Variants in WAPL observed in about 807,000 individuals in gnomAD.
WAPL encodes the protein WAPL cohesin release factor.
A neutral mutation model predicts 121.0 loss-of-function variants in WAPL; 5 were observed. The observed-to-expected ratio is 0.04, with a 90% CI of 0.02 to 0.09. WAPL has a LOEUF of 0.09. Ranked by LOEUF, WAPL falls within the 10% of genes least tolerant of loss-of-function variation. The pLI, the probability that WAPL is intolerant of heterozygous loss-of-function variation, is 1.00. For synonymous variants in WAPL, 480 were observed against 481.5 expected (o/e 1.00, Z 0.04); for missense variants, 999 against 1,410.8 (o/e 0.71, Z 4.68).
rs191570720 is a variant in WAPL, at chr10:86,465,959, C to T, written c.2370+1320G>A. Reference sequence around the variant, plus strand: ...TTTCTTTTTTTCTTTTTTTTCAAAACCACAGGCCAATTATCTTCTACTGGC... The same window carrying T: ...TTTCTTTTTTTCTTTTTTTTCAAAATCACAGGCCAATTATCTTCTACTGGC... On this transcript the variant is annotated intron_variant, in intron 9 of 18. Transcript: ENST00000298767. Among the ~76,000 whole-genome samples the T allele has an allele frequency of 1.8e-3, 275 of 151,728 alleles. 2 individuals carry two copies. Among genetic ancestry groups the T allele is most frequent in the African/African-American group, 6.5e-3 (268 of 41,326 alleles).
intron 2 of WAPL, among the ~76,000 whole-genome samples, chr10:86,505,419 T>G (rs541441455): frequency 8.9e-4 from 132 of 147,972 alleles, no homozygotes; most frequent in Middle Eastern, 3.5e-3. Flanking sequence ...CCTGAGTAGC[T>G]GGGACTACAG....
At chr10:86,454,074 A>C (rs554617150) in intron 12 of WAPL, among the ~76,000 whole-genome samples, 1 of 152,298 alleles carries the variant, frequency 6.6e-6, no homozygotes, top group East Asian at 1.9e-4. Context: ...CATGTTATTG[A>C]TCTCTCCAAT....
At chr10:86,468,118 A>C (rs979604317) in intron 8 of WAPL, among the ~76,000 whole-genome samples, 1 of 152,208 alleles carries the variant, frequency 6.6e-6, no homozygotes, top group African/African-American at 2.4e-5. Context: ...CTTAGGCTAT[A>C]CTATGCTAAG....
intron 4 of WAPL, among the ~76,000 whole-genome samples, chr10:86,481,911 A>G (rs1032578238): frequency 6.6e-6 from 1 of 152,164 alleles, no homozygotes; most frequent in African/African-American, 2.4e-5. Context: ...ACCAGAACAA[A>G]GAAACCTACT....
chr10:86,490,129 G>A (rs1415753466), intron 4 of WAPL, among the ~76,000 whole-genome samples: 4 of 151,618 alleles, frequency 2.6e-5, no homozygotes, highest in African/African-American at 9.7e-5. Context: ...CAGGAGAATT[G>A]CTTGTACCTA....
intron 4 of WAPL, among the ~76,000 whole-genome samples, chr10:86,482,096 AAC>A (rs1491303413): frequency 6.6e-6 from 1 of 152,230 alleles, no homozygotes; most frequent in Non-Finnish European, 1.5e-5. Flanking sequence ...AGAATTGCCA[AAC>A]AATTCCTGAA....
chr10:86,479,893 T>C (rs995141768), intron 4 of WAPL, among the ~76,000 whole-genome samples: 13 of 152,222 alleles, frequency 8.5e-5, no homozygotes, highest in Non-Finnish European at 1.8e-4. Flanking sequence ...AAAAGACAAT[T>C]GGAATCAGAA....
At position 86,446,904 on chromosome 10, in the gene WAPL, T is replaced by C. The variant is rs115788697; in HGVS notation, c.3115-455A>G. 5.4e-3 allele frequency among the ~76,000 whole-genome samples: 820 copies of C among 152,342 alleles called. 6 individuals are homozygous for C. Among genetic ancestry groups the C allele is most frequent in the African/African-American group, 0.019 (780 of 41,582 alleles). ...AATTGCCTGAAAATCAAATGCCAAG[T>C]AGACCTCAAAGATTTGTTGAGTATA... On this transcript the variant is annotated intron_variant, in intron 15 of 18. Coordinates refer to ENST00000298767, the MANE Select transcript of WAPL (RefSeq NM_015045.5).
intron 2 of WAPL, among the ~76,000 whole-genome samples, chr10:86,517,066 A>C (rs1842568904): frequency 6.6e-6 from 1 of 152,138 alleles, no homozygotes; most frequent in Non-Finnish European, 1.5e-5. Flanking sequence ...AAAATCTATC[A>C]ATACAAGTTG....
chr10:86,493,526 CATTT>C (rs546756010), intron 4 of WAPL, among the ~76,000 whole-genome samples: 2 of 151,870 alleles, frequency 1.3e-5, no homozygotes, highest in Admixed American at 1.3e-4. Flanking sequence ...TTCAAATTTT[CATTT>C]ATTTATTTAT....
At chr10:86,438,639 AAT>A (rs1486439307) in intron 17 of WAPL, among the ~76,000 whole-genome samples, 4 of 152,242 alleles carry the variant, frequency 2.6e-5, no homozygotes, top group African/African-American at 9.6e-5. Flanking sequence ...GCCCTGGGGG[AAT>A]AGGAGAAGAG....
Position 86,500,379 on chromosome 10 carries a change from A to G in WAPL, c.864T>C (p.Leu288=). The change falls in exon 3 of 19, where the codon CTT becomes CTC. Residue 288 remains leucine, a synonymous_variant. Coordinates refer to ENST00000298767, the MANE Select transcript of WAPL (RefSeq NM_015045.5). ...AGTACGTCCTACAGTTGGTTGGCCT[A>G]AGAACACTTTGTACAATATCTTCCT... ...AIEEDIVQSV[L]RPTNCRTYCR... 6.2e-7 allele frequency: 1 copy of G among 1,614,202 alleles called. No homozygotes were observed. Among genetic ancestry groups the G allele is most frequent in the Non-Finnish European group, 8.5e-7 (1 of 1,180,042 alleles).
At chr10:86,512,026 A>G (rs1357264797) in intron 2 of WAPL, among the ~76,000 whole-genome samples, 1 of 152,246 alleles carries the variant, frequency 6.6e-6, no homozygotes, top group Non-Finnish European at 1.5e-5. Flanking sequence ...CAACAAATAC[A>G]TTCAATAAAT....
At chr10:86,491,785 ATTTT>A (rs1374738387) in intron 4 of WAPL, among the ~76,000 whole-genome samples, 1 of 151,964 alleles carries the variant, frequency 6.6e-6, no homozygotes, top group African/African-American at 2.4e-5. Flanking sequence ...AATAGTATTT[ATTTT>A]TATTACATAT....
chr10:86,508,855 C>A (rs1338251372), intron 2 of WAPL, among the ~76,000 whole-genome samples: 1 of 148,712 alleles, frequency 6.7e-6, no homozygotes, highest in African/African-American at 2.5e-5. Context: ...CCAGAGTTCA[C>A]GCCATTCTCC....
chr10:86,473,201 A>G (rs1326747061), intron 5 of WAPL, among the ~76,000 whole-genome samples: 2 of 152,194 alleles, frequency 1.3e-5, no homozygotes, highest in African/African-American at 4.8e-5. Context: ...AGCATGCTAT[A>G]TTACTACTAA....
At chr10:86,456,793 A>G (rs2132178018) in intron 12 of WAPL, among the ~76,000 whole-genome samples, 1 of 152,226 alleles carries the variant, frequency 6.6e-6, no homozygotes, top group East Asian at 1.9e-4. Flanking sequence ...AGGCTGGGCT[A>G]AACTGGGGCT....
In WAPL at chr10:86,491,602, A is replaced by G. The variant is rs186255233; in HGVS notation, c.1644+5599T>C. On this transcript the variant is annotated intron_variant, in intron 4 of 18. Coordinates refer to ENST00000298767, the MANE Select transcript of WAPL (RefSeq NM_015045.5). ...CTCCATGACTTAAAACAGGGAATCT[A>G]TAAGATGAGCCTGAGCCATCTTATT... 9.2e-5 allele frequency among the ~76,000 whole-genome samples: 14 copies of G among 152,252 alleles called. No homozygotes were observed. In the East Asian group the frequency reaches 1.4e-3, roughly 15 times the overall value.
intron 12 of WAPL, among the ~76,000 whole-genome samples, chr10:86,457,635 G>GA (rs200995828): frequency 1.7e-4 from 25 of 146,946 alleles, no homozygotes; most frequent in South Asian, 4.3e-4. Flanking sequence ...CCTGGGCTCA[G>GA]AAAAAAAAAT....
Sources: gnomAD v4.1 joint callset for allele counts (sites outside exome capture counted in the v4.1 genomes callset) on GRCh38, gnomAD v4.1.1 for gene constraint, MANE v1.5 for transcripts, NCBI Gene and HGNC (gene_info 2026-07-23, HGNC 2026-07-21) for gene names.